Variants in CCDC148 observed in about 807,000 individuals in gnomAD.
CCDC148 encodes coiled-coil domain-containing protein 148.
Under a neutral mutation model 85.7 loss-of-function variants are expected in CCDC148, and 89 were observed. The ratio of observed to expected loss-of-function variants is 1.04; its 90% CI spans 0.87 to 1.24. The LOEUF is 1.24. CCDC148 is among the 50% of genes most tolerant of loss of function. The pLI is 0.00. For missense variants in CCDC148, 692 were observed against 671.7 expected (o/e 1.03, Z -0.33); for synonymous variants, 230 against 213.9 (o/e 1.08, Z -0.66).
chr2:158,409,334 T>G (rs2543648), intron 1 of CCDC148, among the ~76,000 whole-genome samples: 135,244 of 152,168 alleles, frequency 0.89, 60,846 homozygotes, highest in Non-Finnish European at 0.96. Flanking sequence ...CAGGAGAGGG[T>G]CTATATCCTA....
At chr2:158,360,726 T>G (rs756225470) in intron 1 of CCDC148, among the ~76,000 whole-genome samples, 2 of 152,064 alleles carry the variant, frequency 1.3e-5, no homozygotes, top group African/African-American at 4.8e-5. Context: ...GAGAAGCCAG[T>G]GCAAAAAGGC....
rs1229063489 is a variant in CCDC148, at chr2:158,312,593, A to C, written c.903+1163T>G. Among the ~76,000 whole-genome samples, 14 of 150,724 alleles carry C rather than the reference A, an allele frequency of 9.3e-5. No homozygotes were observed. The East Asian group carries it at 1.9e-3, about 21-fold the overall frequency. ...GAATCCATCTCAAAAAAAAAAAAAA[A>C]AAAACCAAAAAACAAAAAAGTAAAT... On this transcript the variant is annotated intron_variant, in intron 8 of 13. Transcript: ENST00000283233.
intron 1 of CCDC148, chr2:158,425,267 AG>A: frequency 1.9e-6 from 1 of 537,474 alleles, no homozygotes; most frequent in Non-Finnish European, 3.7e-6. Context: ...AGGCATCTCC[AG>A]GGGGTCGCAA....
Position 158,439,017 on chromosome 2 carries a change from C to T in CCDC148, c.25+17398G>A, listed in dbSNP as rs190999140. Among the ~76,000 whole-genome samples the T allele has an allele frequency of 3.9e-3, 589 of 152,292 alleles. 4 individuals carry two copies. Among genetic ancestry groups the T allele is most frequent in the East Asian group, 0.03 (157 of 5,176 alleles). On this transcript the variant is annotated intron_variant, in intron 1 of 13. Transcript: ENST00000283233. Reference sequence around the variant, plus strand: ...ATGTGGAGAAATAGGAACACTTTTACACTGTTGGTGGGACTGTAAACTAGT... The same window carrying T: ...ATGTGGAGAAATAGGAACACTTTTATACTGTTGGTGGGACTGTAAACTAGT...
chr2:158,416,278 C>T (rs147807624), intron 1 of CCDC148, among the ~76,000 whole-genome samples: 58 of 152,284 alleles, frequency 3.8e-4, no homozygotes, highest in African/African-American at 9.4e-4. Context: ...GGGGCTGCCA[C>T]GAGGTCTCTG....
At chr2:158,217,152 CAT>C (rs1468039848) in intron 11 of CCDC148, among the ~76,000 whole-genome samples, 2 of 151,352 alleles carry the variant, frequency 1.3e-5, no homozygotes, top group African/African-American at 4.9e-5. Flanking sequence ...GGGCAAAAGA[CAT>C]ATTCTAATAG....
chr2:158,190,509 G>A (rs949064916), intron 11 of CCDC148, among the ~76,000 whole-genome samples: 1 of 151,974 alleles, frequency 6.6e-6, no homozygotes, highest in Non-Finnish European at 1.5e-5. Flanking sequence ...AATACTTAGA[G>A]GCACCTGTCA....
At chr2:158,287,661 C>T (rs1452326013) in intron 9 of CCDC148, among the ~76,000 whole-genome samples, 2 of 152,210 alleles carry the variant, frequency 1.3e-5, no homozygotes, top group Non-Finnish European at 2.9e-5. Flanking sequence ...GCAGCTCTGC[C>T]CCTATGGCTT....
intron 11 of CCDC148, among the ~76,000 whole-genome samples, chr2:158,211,247 C>T (rs1310737135): frequency 6.6e-6 from 1 of 151,968 alleles, no homozygotes; most frequent in African/African-American, 2.4e-5. Context: ...ATCTGTAGCA[C>T]TAGTTATGTA....
At position 158,301,639 on chromosome 2, in the gene CCDC148, C is replaced by A. The variant is rs79894901; in HGVS notation, c.1110+7794G>T. The stretch of plus-strand genomic sequence containing the variant: ...GAAGGCTCCAGCGTTTTAAAGTGGG[C>A]AGACAATGGGAAATATACAGGAAGA... On this transcript the variant is annotated intron_variant, in intron 9 of 13. Coordinates refer to ENST00000283233, the MANE Select transcript of CCDC148 (RefSeq NM_138803.4). 2.6e-5 allele frequency among the ~76,000 whole-genome samples: 4 copies of A among 152,118 alleles called. No individual in the cohort carries two copies. The East Asian group carries it at 5.8e-4, about 22-fold the overall frequency.
intron 7 of CCDC148, among the ~76,000 whole-genome samples, chr2:158,318,708 T>C (rs1214514917): frequency 6.6e-6 from 1 of 152,018 alleles, no homozygotes; most frequent in African/African-American, 2.4e-5. Flanking sequence ...CTCTGAAACA[T>C]CCATCCAGCA....
chr2:158,254,016 T>A (rs996530698), intron 9 of CCDC148, among the ~76,000 whole-genome samples: 1 of 151,652 alleles, frequency 6.6e-6, no homozygotes, highest in Non-Finnish European at 1.5e-5. Flanking sequence ...TGCAACAGTA[T>A]ATGGGAACAC....
Position 158,334,945 on chromosome 2 carries a change from C to A in CCDC148, c.764+3781G>T, listed in dbSNP as rs376691028. Reference sequence around the variant, plus strand: ...TTTAATATAATTTTTCAGATTAATTCCATGAGTCATGGATATTTTGAAGCC... The same window carrying A: ...TTTAATATAATTTTTCAGATTAATTACATGAGTCATGGATATTTTGAAGCC... On this transcript the variant is annotated intron_variant, in intron 7 of 13. Transcript: ENST00000283233. Among the ~76,000 whole-genome samples, 10 of 152,202 alleles carry A rather than the reference C, an allele frequency of 6.6e-5. No individual in the cohort carries two copies. The South Asian group carries it at 1.4e-3, about 22-fold the overall frequency.
intron 1 of CCDC148, among the ~76,000 whole-genome samples, chr2:158,403,516 T>G (rs1378392930): frequency 2.0e-5 from 3 of 152,068 alleles, no homozygotes; most frequent in African/African-American, 4.8e-5. Flanking sequence ...CTACTGACCT[T>G]TATATGAACT....
chr2:158,325,746 AC>A (rs1692737669), intron 7 of CCDC148, among the ~76,000 whole-genome samples: 3 of 151,990 alleles, frequency 2.0e-5, no homozygotes, highest in African/African-American at 7.3e-5. Context: ...GTTGATGGCA[AC>A]TCCATCCTTC....
chr2:158,395,343 A>C (rs1490048199), intron 1 of CCDC148, among the ~76,000 whole-genome samples: 6 of 152,092 alleles, frequency 3.9e-5, no homozygotes, highest in Non-Finnish European at 8.8e-5. Context: ...CTGAAGAGCC[A>C]CTTCCTCCTC....
chr2:158,387,371 A>T (rs949043482), intron 1 of CCDC148, among the ~76,000 whole-genome samples: 2 of 152,098 alleles, frequency 1.3e-5, no homozygotes, highest in Non-Finnish European at 2.9e-5. Flanking sequence ...GGTTCATTAT[A>T]GTTTTCTCCT....
chr2:158,172,592 TA>T (rs1199124095), intron 13 of CCDC148, among the ~76,000 whole-genome samples: 1 of 152,084 alleles, frequency 6.6e-6, no homozygotes. Context: ...GCTGGAATTA[TA>T]AAATACAGAT....
chr2:158,298,185 G>C (rs1302737759), intron 9 of CCDC148, among the ~76,000 whole-genome samples: 1 of 152,152 alleles, frequency 6.6e-6, no homozygotes, highest in Non-Finnish European at 1.5e-5. Context: ...CCACTCCTGT[G>C]ATTCAATTAT....
Sources: gnomAD v4.1 joint callset for allele counts (sites outside exome capture counted in the v4.1 genomes callset) on GRCh38, gnomAD v4.1.1 for gene constraint, MANE v1.5 for transcripts, NCBI Gene and HGNC (gene_info 2026-07-23, HGNC 2026-07-21) for gene names.